Variants in HECW2 observed in about 807,000 individuals in gnomAD.
The protein encoded by HECW2 is E3 ubiquitin-protein ligase HECW2.
In HECW2, 61 loss-of-function variants were observed where a neutral mutation model predicts 175.2. The ratio of observed to expected loss-of-function variants is 0.35; its 90% CI spans 0.28 to 0.43. The LOEUF (loss-of-function observed/expected upper bound fraction) is 0.43, where lower values mean the gene tolerates loss of function less well. Among genes scored for constraint, HECW2 ranks in the 20% least tolerant of loss-of-function variants. HECW2 has a pLI of 1.00. For missense variants in HECW2, 1,524 were observed against 2,000.5 expected (o/e 0.76, Z 4.54); for synonymous variants, 671 against 731.0 (o/e 0.92, Z 1.32).
At chr2:196,435,531 G>A (rs1330945083) in intron 1 of HECW2, among the ~76,000 whole-genome samples, 5 of 152,166 alleles carry the variant, frequency 3.3e-5, no homozygotes, top group African/African-American at 1.2e-4. Flanking sequence ...AACCCTTATA[G>A]CTTAAAATCA....
intron 17 of HECW2, among the ~76,000 whole-genome samples, chr2:196,268,828 T>C (rs1172567629): frequency 1.3e-5 from 2 of 152,216 alleles, no homozygotes; most frequent in Non-Finnish European, 2.9e-5. Context: ...GAATTTTGTT[T>C]GTTTTGCTTT....
In HECW2 at chr2:196,287,729, C is replaced by T. The variant is rs544177753; in HGVS notation, c.3000+4836G>A. Among the ~76,000 whole-genome samples the T allele has an allele frequency of 2.0e-5, 3 of 152,268 alleles. No individual in the cohort carries two copies. The East Asian group carries it at 5.8e-4, about 29-fold the overall frequency. Reference sequence around the variant, plus strand: ...ATTCATATGTGTCTCTTGAAATTCACTCATTATTTCTTCACAGGAACCAGA... The same window carrying T: ...ATTCATATGTGTCTCTTGAAATTCATTCATTATTTCTTCACAGGAACCAGA... On this transcript the variant is annotated intron_variant, in intron 14 of 28. Coordinates refer to ENST00000644978, the MANE Select transcript of HECW2 (RefSeq NM_001348768.2).
chr2:196,344,154 CAG>C (rs1692864549), intron 2 of HECW2, among the ~76,000 whole-genome samples: 1 of 151,866 alleles, frequency 6.6e-6, no homozygotes, highest in Non-Finnish European at 1.5e-5. Flanking sequence ...GAGAATATAA[CAG>C]AATTCAAGAT....
intron 3 of HECW2, among the ~76,000 whole-genome samples, chr2:196,341,874 G>A (rs2105824790): frequency 6.6e-6 from 1 of 152,300 alleles, no homozygotes; most frequent in East Asian, 1.9e-4. Flanking sequence ...AGTAACAGAT[G>A]TTAACCTTTT....
chr2:196,202,432 A>G (rs1439487088), intron 28 of HECW2, among the ~76,000 whole-genome samples: 1 of 152,132 alleles, frequency 6.6e-6, no homozygotes, highest in Non-Finnish European at 1.5e-5. Flanking sequence ...TCTATCAACA[A>G]GTGTGTGATT....
At chr2:196,243,791 C>T (rs1455477663) in intron 19 of HECW2, among the ~76,000 whole-genome samples, 2 of 152,128 alleles carry the variant, frequency 1.3e-5, no homozygotes, top group Non-Finnish European at 2.9e-5. Context: ...GTTGGTCAGG[C>T]TGGTCTCGAA....
At chr2:196,412,263 C>T (rs1190837361) in intron 2 of HECW2, among the ~76,000 whole-genome samples, 1 of 152,168 alleles carries the variant, frequency 6.6e-6, no homozygotes, top group Non-Finnish European at 1.5e-5. Context: ...AAAATCTGTT[C>T]TAAGCCTCTT....
At chr2:196,430,875 T>A (rs1695691122) in intron 2 of HECW2, among the ~76,000 whole-genome samples, 1 of 152,088 alleles carries the variant, frequency 6.6e-6, no homozygotes, top group South Asian at 2.1e-4. Context: ...AGAAAAAATA[T>A]TTGAAGAAAT....
intron 18 of HECW2, among the ~76,000 whole-genome samples, chr2:196,257,339 A>G (rs1011679530): frequency 6.6e-6 from 1 of 152,256 alleles, no homozygotes; most frequent in Non-Finnish European, 1.5e-5. Context: ...GGCAATGAGT[A>G]GCATAGACCA....
At chr2:196,269,892 C>G (rs907219691) in intron 17 of HECW2, among the ~76,000 whole-genome samples, 1 of 152,182 alleles carries the variant, frequency 6.6e-6, no homozygotes, top group Non-Finnish European at 1.5e-5. Flanking sequence ...TTCTTAGGCT[C>G]TACCCCAGAC....
chr2:196,539,241 G>A (rs2125462834), intron 1 of HECW2, among the ~76,000 whole-genome samples: 1 of 152,272 alleles, frequency 6.6e-6, no homozygotes, highest in South Asian at 2.1e-4. Context: ...GTGAAATGAG[G>A]GAACTCTTCC....
At chr2:196,201,412 T>A (rs776537865) in intron 28 of HECW2, 24 bp from the exon 29 acceptor site, 2 of 1,533,214 alleles carry the variant, frequency 1.3e-6, no homozygotes, top group South Asian at 2.2e-5. Context: ...AAACAGCACA[T>A]AGTTTAGAAC....
At chr2:196,257,757 T>A (rs1203162856) in intron 18 of HECW2, 66 bp downstream of exon 18, 2 of 1,114,174 alleles carry the variant, frequency 1.8e-6, no homozygotes, top group Non-Finnish European at 2.7e-6. Flanking sequence ...TATTATTTTC[T>A]ACAATGTTCC....
At chr2:196,480,626 G>A (rs1193595647) in intron 1 of HECW2, among the ~76,000 whole-genome samples, 1 of 152,242 alleles carries the variant, frequency 6.6e-6, no homozygotes, top group Non-Finnish European at 1.5e-5. Flanking sequence ...AGGGAGGATG[G>A]AGAGCTGGAT....
chr2:196,529,002 C>G (rs1688759055), intron 1 of HECW2, among the ~76,000 whole-genome samples: 2 of 152,208 alleles, frequency 1.3e-5, no homozygotes. Context: ...GAGAGCAATT[C>G]TTGCCATGAC....
chr2:196,474,487 C>T (rs1686473768), intron 1 of HECW2, among the ~76,000 whole-genome samples: 1 of 152,056 alleles, frequency 6.6e-6, no homozygotes. Flanking sequence ...TGATGTTCTC[C>T]CACCAGGCAG....
At chr2:196,309,548 T>C (rs1691402820) in intron 10 of HECW2, among the ~76,000 whole-genome samples, 2 of 152,214 alleles carry the variant, frequency 1.3e-5, no homozygotes, top group Admixed American at 1.3e-4. Flanking sequence ...CAAAACACTT[T>C]GATTTATTTC....
At chr2:196,432,520 A>T (rs1695746218) in intron 2 of HECW2, among the ~76,000 whole-genome samples, 1 of 152,256 alleles carries the variant, frequency 6.6e-6, no homozygotes, top group Admixed American at 6.5e-5. Context: ...AAGTTCACTA[A>T]GAACAACAAG....
At position 196,242,076 on chromosome 2, in the gene HECW2, T is replaced by A; in HGVS notation, c.3650+8A>T. On this transcript the variant is annotated splice_region_variant and intron_variant, in intron 20 of 28. Coordinates refer to ENST00000644978, the MANE Select transcript of HECW2 (RefSeq NM_001348768.2). ...ATACATTATGTGGTTTGTGTCACTT[T>A]GACTTACTTTAACTTCCCTGGGCCT... 1 of 1,613,618 alleles carries A rather than the reference T, an allele frequency of 6.2e-7. No homozygotes were observed. Among genetic ancestry groups the A allele is most frequent in the Non-Finnish European group, 8.5e-7 (1 of 1,179,806 alleles).
Sources: allele counts gnomAD v4.1 joint callset (sites outside exome capture counted in the v4.1 genomes callset), GRCh38; gene constraint gnomAD v4.1.1; transcripts MANE v1.5; gene names NCBI Gene and HGNC (gene_info 2026-07-23, HGNC 2026-07-21).